CNTN4: variants seen among roughly 807,000 people sequenced by gnomAD.
CNTN4 encodes contactin-4.
In CNTN4, 77 loss-of-function variants were observed where a neutral mutation model predicts 122.5. The observed-to-expected ratio is 0.63, with a 90% CI of 0.52 to 0.76. The LOEUF (loss-of-function observed/expected upper bound fraction) is 0.76, where lower values mean the gene tolerates loss of function less well. Among genes scored for constraint, CNTN4 ranks in the 30% least tolerant of loss-of-function variants. The probability of loss-of-function intolerance (pLI) is 0.00; values close to 1 mark genes in which losing one functional copy is unlikely to be tolerated. For synonymous variants in CNTN4, 512 were observed against 447.0 expected (o/e 1.15, Z -1.83); for missense variants, 1,256 against 1,259.1 (o/e 1.00, Z 0.04).
chr3:3,013,392 A>C (rs184601785), intron 14 of CNTN4, among the ~76,000 whole-genome samples: 1 of 152,148 alleles, frequency 6.6e-6, no homozygotes, highest in African/African-American at 2.4e-5. Flanking sequence ...AGAGTCAGTA[A>C]GAGAAAGTCC....
chr3:2,431,124 C>T (rs561803875), intron 3 of CNTN4, among the ~76,000 whole-genome samples: 2 of 152,150 alleles, frequency 1.3e-5, no homozygotes, highest in South Asian at 4.1e-4. Flanking sequence ...TTCATTGTAG[C>T]TTTGTTTGTA....
rs977340816 is a variant in CNTN4 at position 3,009,445 on chromosome 3, T to A, written c.1487-16657T>A. ...AAAATAATAATGACAGAATTTCTTT[T>A]TTTTTTGAGATGGAGTCTTGCTCTG... On this transcript the variant is annotated intron_variant, in intron 14 of 24. Coordinates refer to ENST00000418658, the MANE Select transcript of CNTN4 (RefSeq NM_175607.3). Among the ~76,000 whole-genome samples the A allele has an allele frequency of 3.0e-3, 464 of 152,186 alleles. 2 individuals are homozygous for A. Among genetic ancestry groups the A allele is most frequent in the Non-Finnish European group, 2.5e-3 (169 of 68,014 alleles).
chr3:2,200,827 C>A (rs73807026), intron 2 of CNTN4, among the ~76,000 whole-genome samples: 2 of 152,088 alleles, frequency 1.3e-5, no homozygotes, highest in East Asian at 3.9e-4. Flanking sequence ...GGGCCATAGC[C>A]CCCTTATGCT....
intron 3 of CNTN4, among the ~76,000 whole-genome samples, chr3:2,526,113 C>A (rs2077389033): frequency 6.6e-6 from 1 of 152,126 alleles, no homozygotes; most frequent in Admixed American, 6.6e-5. Context: ...CGCCCACCCT[C>A]CTAACACATT....
Position 2,584,888 on chromosome 3 carries a change from A to T in CNTN4, c.55+13330A>T, listed in dbSNP as rs1397082010. Among the ~76,000 whole-genome samples, 9 of 151,888 alleles carry T rather than the reference A, an allele frequency of 5.9e-5. No homozygotes were observed. In the South Asian group the frequency reaches 1.2e-3, roughly 21 times the overall value. Reference sequence around the variant, plus strand: ...TACAGTGGTAGGTAGGTAGGTAGATACGAAGTAGGAAGGTAGGTAGGTAGG... The same window carrying T: ...TACAGTGGTAGGTAGGTAGGTAGATTCGAAGTAGGAAGGTAGGTAGGTAGG... On this transcript the variant is annotated intron_variant, in intron 4 of 24. Transcript: ENST00000418658.
chr3:2,607,884 A>G (rs2081326750), intron 4 of CNTN4, among the ~76,000 whole-genome samples: 1 of 152,220 alleles, frequency 6.6e-6, no homozygotes, highest in African/African-American at 2.4e-5. Context: ...ATAATTTAAA[A>G]TATCATATAA....
chr3:2,507,669 A>G (rs2076769130), intron 3 of CNTN4, among the ~76,000 whole-genome samples: 1 of 147,570 alleles, frequency 6.8e-6, no homozygotes, highest in African/African-American at 2.5e-5. Context: ...CAGGAGGCGG[A>G]GGTTGCAGTG....
chr3:2,544,029 A>C (rs1008232452), intron 3 of CNTN4, among the ~76,000 whole-genome samples: 2 of 152,104 alleles, frequency 1.3e-5, no homozygotes, highest in African/African-American at 4.8e-5. Context: ...GAGAATCCTT[A>C]TTATTAATTT....
At chr3:2,453,844 A>G (rs1306075980) in intron 3 of CNTN4, among the ~76,000 whole-genome samples, 1 of 152,192 alleles carries the variant, frequency 6.6e-6, no homozygotes, top group Non-Finnish European at 1.5e-5. Context: ...TTTGGTTAAT[A>G]TGCAAAATCA....
intron 2 of CNTN4, among the ~76,000 whole-genome samples, chr3:2,273,869 T>A (rs1300592793): frequency 1.3e-5 from 2 of 152,204 alleles, no homozygotes; most frequent in Non-Finnish European, 2.9e-5. Flanking sequence ...ATGTATCTTT[T>A]TTTCTTATGA....
intron 2 of CNTN4, among the ~76,000 whole-genome samples, chr3:2,218,308 T>G (rs1435382587): frequency 6.6e-6 from 1 of 152,230 alleles, no homozygotes; most frequent in African/African-American, 2.4e-5. Flanking sequence ...GGATATATTT[T>G]TATTTTTTAT....
chr3:2,971,614 A>G (rs756112987), intron 13 of CNTN4, among the ~76,000 whole-genome samples: 1 of 152,224 alleles, frequency 6.6e-6, no homozygotes, highest in Non-Finnish European at 1.5e-5. Flanking sequence ...TATATTGTTT[A>G]TAGAAAGGAT....
At chr3:2,377,142 G>A (rs1439277263) in intron 3 of CNTN4, among the ~76,000 whole-genome samples, 9 of 137,562 alleles carry the variant, frequency 6.5e-5, no homozygotes, top group South Asian at 2.5e-4. Context: ...GCGATAGAGC[G>A]AGATTCCATC....
rs868061004 is a variant in CNTN4 at position 2,164,784 on chromosome 3, C to T, written c.-145+64145C>T. Among the ~76,000 whole-genome samples the T allele has an allele frequency of 4.6e-5, 7 of 152,140 alleles. No individual in the cohort carries two copies. The South Asian group carries it at 1.5e-3, about 32-fold the overall frequency. On this transcript the variant is annotated intron_variant, in intron 2 of 24. Transcript: ENST00000418658. ...GTATTCTCTCACCAGACACAGTTTG[C>T]TCATGTTTGACGGAAAAATGTGCGT...
chr3:2,264,025 CAA>C (rs2040944146), intron 2 of CNTN4, among the ~76,000 whole-genome samples: 1 of 152,222 alleles, frequency 6.6e-6, no homozygotes, highest in Non-Finnish European at 1.5e-5. Flanking sequence ...TTGATGGACA[CAA>C]AGAGTAATTC....
chr3:2,972,645 T>C (rs1036581525), intron 13 of CNTN4, among the ~76,000 whole-genome samples: 6 of 152,180 alleles, frequency 3.9e-5, no homozygotes, highest in South Asian at 2.1e-4. Flanking sequence ...TTAATAGTTA[T>C]ACAAAAGCCC....
chr3:2,426,854 G>C lies in CNTN4; in HGVS notation c.-89+87621G>C, dbSNP rs149694575. Reference sequence around the variant, plus strand: ...TTCTTCTAGATTTTCTAGTTTATTTGAATAGAAGTGTTTGTAGTATTCTCT... The same window carrying C: ...TTCTTCTAGATTTTCTAGTTTATTTCAATAGAAGTGTTTGTAGTATTCTCT... On this transcript the variant is annotated intron_variant, in intron 3 of 24. Transcript: ENST00000418658. Among the ~76,000 whole-genome samples the C allele has an allele frequency of 2.9e-3, 448 of 152,268 alleles. 3 individuals are homozygous for C. Among genetic ancestry groups the C allele is most frequent in the South Asian group, 6.4e-3 (31 of 4,818 alleles).
chr3:2,871,977 T>G (rs1455483656), intron 8 of CNTN4, among the ~76,000 whole-genome samples: 1 of 152,164 alleles, frequency 6.6e-6, no homozygotes, highest in Non-Finnish European at 1.5e-5. Flanking sequence ...CACCTGTTGC[T>G]TAGGAACCAT....
In CNTN4 at chr3:2,366,652, G is replaced by A. The variant is rs550736861; in HGVS notation, c.-89+27419G>A. Among the ~76,000 whole-genome samples, 13 of 151,958 alleles carry A rather than the reference G, an allele frequency of 8.6e-5. No homozygotes were observed. In the South Asian group the frequency reaches 2.1e-3, roughly 24 times the overall value. ...TGAGGCAGGAGAATCACTTGAACCC[G>A]GGAGGCGGAGCTTGCAGTGAGCCGA... On this transcript the variant is annotated intron_variant, in intron 3 of 24. Transcript: ENST00000418658.
Sources: allele counts gnomAD v4.1 joint callset (sites outside exome capture counted in the v4.1 genomes callset), GRCh38; gene constraint gnomAD v4.1.1; transcripts MANE v1.5; gene names NCBI Gene and HGNC (gene_info 2026-07-23, HGNC 2026-07-21).